BOLL: variants seen among roughly 807,000 people sequenced by gnomAD.
The protein encoded by BOLL is protein boule-like.
In BOLL, 23 loss-of-function variants were observed where a neutral mutation model predicts 44.4. That is an observed-to-expected ratio of 0.52 (90% confidence interval 0.37 to 0.73). The LOEUF is 0.73. BOLL is among the 30% of genes least tolerant of loss of function. BOLL has a pLI of 0.00. For synonymous variants in BOLL, 97 were observed against 110.8 expected, an observed-to-expected ratio of 0.88 and a Z score of 0.78; for missense variants, 287 against 338.3, an observed-to-expected ratio of 0.85 and a Z score of 1.19.
At chr2:197,757,974 A>G (rs1471194200) in intron 7 of BOLL, among the ~76,000 whole-genome samples, 2 of 152,150 alleles carry the variant, frequency 1.3e-5, no homozygotes, top group Non-Finnish European at 2.9e-5. Flanking sequence ...CTTCATACCT[A>G]CTAGGATGGC....
chr2:197,738,596 A>G (rs138682733), intron 10 of BOLL, among the ~76,000 whole-genome samples: 130 of 152,314 alleles, frequency 8.5e-4, no homozygotes, highest in African/African-American at 3.0e-3. Context: ...AACTCTGCAT[A>G]AGGTTTCTAT....
chr2:197,780,492 A>G (rs975148577), intron 2 of BOLL, among the ~76,000 whole-genome samples: 1 of 152,080 alleles, frequency 6.6e-6, no homozygotes, highest in Admixed American at 6.6e-5. Flanking sequence ...AAAACATGCT[A>G]ATCTATTGTA....
intron 4 of BOLL, among the ~76,000 whole-genome samples, chr2:197,776,619 A>T (rs1343122641): frequency 6.7e-6 from 1 of 150,362 alleles, no homozygotes; most frequent in Non-Finnish European, 1.5e-5. Flanking sequence ...CTTTTTTTCT[A>T]AAAAAGTTAA....
intron 6 of BOLL, among the ~76,000 whole-genome samples, chr2:197,767,821 GTGTGTGTCTAT>G (rs763872888): frequency 2.2e-4 from 34 of 151,954 alleles, no homozygotes; most frequent in Non-Finnish European, 4.3e-4. Flanking sequence ...AAGTATGCGT[GTGTGTGTCTAT>G]ATATGTATGT....
At position 197,728,217 on chromosome 2, in the gene BOLL, C is replaced by A. The variant is rs532718791; in HGVS notation, c.*338G>T. 4 of 397,620 alleles carry A rather than the reference C, an allele frequency of 1.0e-5. No individual in the cohort carries two copies. Among genetic ancestry groups the A allele is most frequent in the Non-Finnish European group, 1.8e-5 (4 of 225,298 alleles). The allele number at this position is 397,620 out of a possible 1,614,324, so 24.6% of individuals were successfully genotyped here. ...CTAATTGTTTGATAAGAAAAAATAA[C>A]ACAAAGCAGAGAAAATAAAAGACAC... is the stretch of plus-strand genomic sequence containing the variant. On this transcript the variant is annotated 3_prime_UTR_variant, in exon 11 of 11. Coordinates refer to ENST00000392296, the MANE Select transcript of BOLL (RefSeq NM_033030.6).
Position 197,775,710 on chromosome 2 carries a change from G to A in BOLL, c.307C>T (p.Leu103=), listed in dbSNP as rs1168514158. The A allele has an allele frequency of 1.9e-6, 3 of 1,562,932 alleles. No homozygotes were observed. The highest frequency in any genetic ancestry group is 2.8e-5 in the African/African-American group (2 of 72,666). Residue 103 remains leucine (L), a synonymous_variant, in exon 5 of 11, where the codon CTG becomes TTG. Coordinates refer to ENST00000392296, the MANE Select transcript of BOLL (RefSeq NM_033030.6). ...TTTCTTATTGCTGGACCAATGTTCA[G>A]CTTCTTATCCTTATAATTAAGTTTT... is the stretch of plus-strand genomic sequence containing the variant. ...AEKLNYKDKK[L]NIGPAIRKQQ...
chr2:197,731,442 C>T (rs1687172682), intron 10 of BOLL, among the ~76,000 whole-genome samples: 1 of 145,956 alleles, frequency 6.9e-6, no homozygotes, highest in South Asian at 2.3e-4. Context: ...AGGAATTGAA[C>T]TCAGCTCTGC....
chr2:197,745,673 C>G (rs1233413704), intron 9 of BOLL, among the ~76,000 whole-genome samples: 1 of 152,132 alleles, frequency 6.6e-6, no homozygotes, highest in Admixed American at 6.5e-5. Context: ...ATGCCATCAT[C>G]AATTAAAGAA....
At chr2:197,779,152 A>G in intron 2 of BOLL, 86 bp from the exon 3 acceptor site, 1 of 997,676 alleles carries the variant, frequency 1.0e-6, no homozygotes, top group East Asian at 2.6e-5. Context: ...AGACAGAAAA[A>G]GTTATAGATA....
chr2:197,749,443 A>AAAGGCGCATGTTCTAACCCAGTGC (rs1688136517), intron 9 of BOLL, among the ~76,000 whole-genome samples: 1 of 152,090 alleles, frequency 6.6e-6, no homozygotes, highest in East Asian at 1.9e-4. Flanking sequence ...CTTCCGAGCT[A>AAAGGCGCATGTTCTAACCCAGTGC]AAGGCGCATG....
chr2:197,784,734 A>G, intron 1 of BOLL: 2 of 987,570 alleles, frequency 2.0e-6, no homozygotes, highest in Non-Finnish European at 2.4e-6. Flanking sequence ...GGCCTACAAA[A>G]TATTTTAATG....
chr2:197,738,675 A>G (rs1043467854), intron 10 of BOLL, among the ~76,000 whole-genome samples: 8 of 152,288 alleles, frequency 5.3e-5, no homozygotes, highest in East Asian at 1.9e-4. Context: ...GATATCTTCA[A>G]TTAACATTCA....
At position 197,743,086 on chromosome 2, in the gene BOLL, G is replaced by C; in HGVS notation, c.803C>G (p.Pro268Arg). Reference protein sequence around the residue: ...YAPSAITMPAPVMQPEPIKTV... With the variant: ...YAPSAITMPARVMQPEPIKTV... The stretch of plus-strand genomic sequence containing the variant: ...TTTAATTGGCTCAGGCTGCATCACA[G>C]GCGCAGGCATAGTGATGGCACTTGG... The change falls in exon 10 of 11, where the codon CCT (proline) becomes CGT (arginine). Residue 268 changes from proline to arginine, a missense_variant. Pro to Arg is a moderately radical substitution (Grantham distance 103, BLOSUM62 -2). Transcript: ENST00000392296. The C allele has an allele frequency of 6.2e-7, 1 of 1,603,846 alleles. No individual in the cohort carries two copies. Among genetic ancestry groups the C allele is most frequent in the Non-Finnish European group, 8.5e-7 (1 of 1,175,238 alleles).
chr2:197,745,258 T>G (rs868663096), intron 9 of BOLL, among the ~76,000 whole-genome samples: 1 of 152,100 alleles, frequency 6.6e-6, no homozygotes, highest in South Asian at 2.1e-4. Flanking sequence ...AAAAAGAAAT[T>G]TGACTATAAC....
intron 9 of BOLL, among the ~76,000 whole-genome samples, chr2:197,751,601 G>T (rs927699157): frequency 6.6e-6 from 1 of 152,126 alleles, no homozygotes; most frequent in Non-Finnish European, 1.5e-5. Flanking sequence ...CCAGGAAGAA[G>T]TTGAATCCCT....
At chr2:197,777,244 C>T in intron 3 of BOLL, 131 bp from the exon 4 acceptor site, 1 of 455,434 alleles carries the variant, frequency 2.2e-6, no homozygotes, top group South Asian at 5.4e-5. Context: ...CTATGCTGCA[C>T]TAGCATGGGA....
At chr2:197,772,714 G>GAT (rs1052782781) in intron 5 of BOLL, among the ~76,000 whole-genome samples, 6 of 151,564 alleles carry the variant, frequency 4.0e-5, no homozygotes, top group Admixed American at 6.6e-5. Context: ...AATATACATA[G>GAT]ATATATATAT....
intron 2 of BOLL, among the ~76,000 whole-genome samples, chr2:197,780,963 T>G (rs1376890319): frequency 6.6e-6 from 1 of 152,108 alleles, no homozygotes; most frequent in African/African-American, 2.4e-5. Context: ...CTGCACATCA[T>G]GTCATGAACT....
intron 8 of BOLL, among the ~76,000 whole-genome samples, chr2:197,756,884 C>G (rs943466091): frequency 2.0e-5 from 3 of 152,200 alleles, no homozygotes; most frequent in Middle Eastern, 3.4e-3. Flanking sequence ...TTTAAATTGA[C>G]ATAAATGTCT....
Sources: gnomAD v4.1 joint callset for allele counts (sites outside exome capture counted in the v4.1 genomes callset) on GRCh38, gnomAD v4.1.1 for gene constraint, MANE v1.5 for transcripts, NCBI Gene and HGNC (gene_info 2026-07-23, HGNC 2026-07-21) for gene names.